Variants in AKR1C8 observed in about 807,000 individuals in gnomAD.
AKR1C8 encodes the protein aldo-keto reductase family 1 member C-like protein 1.
the AKR1C8 span, chr10:5,185,008 T>C: frequency 9.4e-6 from 5 of 534,534 alleles, no homozygotes; most frequent in Admixed American, 7.8e-5. Flanking sequence ...TGGGGTCCAC[T>C]TACATGATCA....
At chr10:5,157,114 T>C in the AKR1C8 span, among the ~76,000 whole-genome samples, 7 of 152,116 alleles carry the variant, frequency 4.6e-5, no homozygotes. Flanking sequence ...GAAGGAGCCA[T>C]TGTATTTAGG....
the AKR1C8 span, among the ~76,000 whole-genome samples, chr10:5,159,036 G>C: frequency 6.6e-6 from 1 of 152,280 alleles, no homozygotes; most frequent in South Asian, 2.1e-4. Context: ...GAGTGTGAAA[G>C]TTTCCATTTG....
At chr10:5,176,512 A>T in the AKR1C8 span, among the ~76,000 whole-genome samples, 1 of 150,654 alleles carries the variant, frequency 6.6e-6, no homozygotes, top group Non-Finnish European at 1.5e-5. Flanking sequence ...CAATTCTGTG[A>T]AGAAAGTCAT....
the AKR1C8 span, among the ~76,000 whole-genome samples, chr10:5,152,749 T>C: frequency 2.6e-5 from 4 of 152,166 alleles, no homozygotes; most frequent in Admixed American, 2.0e-4. Flanking sequence ...CCAACATTAA[T>C]TAAATTGTAT....
chr10:5,150,645 G>A, the AKR1C8 span, among the ~76,000 whole-genome samples: 1 of 151,888 alleles, frequency 6.6e-6, no homozygotes, highest in Non-Finnish European at 1.5e-5. Context: ...TTTTTGGAAC[G>A]TTTGTCAAAT....
At chr10:5,174,957 C>A in the AKR1C8 span, among the ~76,000 whole-genome samples, 1 of 151,444 alleles carries the variant, frequency 6.6e-6, no homozygotes, top group African/African-American at 2.4e-5. Context: ...AAATAAAAAA[C>A]AAGGTTTTCT....
the AKR1C8 span, among the ~76,000 whole-genome samples, chr10:5,122,644 G>T: frequency 6.6e-6 from 1 of 151,902 alleles, no homozygotes; most frequent in Non-Finnish European, 1.5e-5. Flanking sequence ...CAAAGGGTAG[G>T]ACTCTGAGCA....
the AKR1C8 span, among the ~76,000 whole-genome samples, chr10:5,130,486 A>G: frequency 6.6e-6 from 1 of 151,908 alleles, no homozygotes; most frequent in Non-Finnish European, 1.5e-5. Context: ...AAGTTAAAGT[A>G]TTGCTGTTTG....
At chr10:5,137,247 G>C in the AKR1C8 span, among the ~76,000 whole-genome samples, 7 of 152,082 alleles carry the variant, frequency 4.6e-5, no homozygotes, top group South Asian at 1.5e-3. Context: ...TGATGCAGAA[G>C]ACAGAGGCCA....
chr10:5,170,967 T>A, the AKR1C8 span, among the ~76,000 whole-genome samples: 1 of 152,136 alleles, frequency 6.6e-6, no homozygotes, highest in Non-Finnish European at 1.5e-5. Context: ...TGTTAAAAGC[T>A]GTTAATAGCT....
the AKR1C8 span, among the ~76,000 whole-genome samples, chr10:5,169,051 A>G: frequency 9.1e-5 from 13 of 142,418 alleles, no homozygotes; most frequent in African/African-American, 2.8e-4. Flanking sequence ...TGTATTACTC[A>G]GACAAGCACT....
At chr10:5,143,839 C>G in the AKR1C8 span, among the ~76,000 whole-genome samples, 3 of 151,172 alleles carry the variant, frequency 2.0e-5, no homozygotes, top group African/African-American at 7.3e-5. Flanking sequence ...AGAATTTATA[C>G]TGAGTTTTCT....
At chr10:5,155,042 C>T in the AKR1C8 span, 2 of 152,106 alleles carry the variant, frequency 1.3e-5, no homozygotes, top group African/African-American at 4.8e-5. Context: ...ATTCACAATT[C>T]AGCATGGTGA....
At chr10:5,131,901 G>A in the AKR1C8 span, among the ~76,000 whole-genome samples, 1 of 152,108 alleles carries the variant, frequency 6.6e-6, no homozygotes, top group South Asian at 2.1e-4. Flanking sequence ...GTATAGCAGT[G>A]CAATTCACAA....
At chr10:5,168,635 AACT>A in the AKR1C8 span, among the ~76,000 whole-genome samples, 2 of 152,156 alleles carry the variant, frequency 1.3e-5, no homozygotes, top group African/African-American at 4.8e-5. Flanking sequence ...ACCAAACCCT[AACT>A]ACTACTGAGA....
chr10:5,146,626 T>C, the AKR1C8 span, among the ~76,000 whole-genome samples: 4 of 152,186 alleles, frequency 2.6e-5, no homozygotes, highest in Non-Finnish European at 5.9e-5. Context: ...AGTGACTCTA[T>C]ATATGATACT....
At chr10:5,121,033 A>C in the AKR1C8 span, among the ~76,000 whole-genome samples, 16 of 151,862 alleles carry the variant, frequency 1.1e-4, no homozygotes, top group African/African-American at 3.9e-4. Flanking sequence ...CTCTACAACA[A>C]TCCAGGTTTT....
chr10:5,151,163 T>C, the AKR1C8 span, among the ~76,000 whole-genome samples: 1 of 152,124 alleles, frequency 6.6e-6, no homozygotes, highest in African/African-American at 2.4e-5. Context: ...AGCTGATCTA[T>C]CAGGTTCAGG....
the AKR1C8 span, among the ~76,000 whole-genome samples, chr10:5,116,541 A>G: frequency 6.6e-5 from 10 of 152,122 alleles, no homozygotes; most frequent in Non-Finnish European, 1.3e-4. Context: ...CTTCTGGAGA[A>G]CTTTGCCCCA....
Sources: gnomAD v4.1 joint callset for allele counts (sites outside exome capture counted in the v4.1 genomes callset) on GRCh38, gnomAD v4.1.1 for gene constraint, MANE v1.5 for transcripts, NCBI Gene and HGNC (gene_info 2026-07-23, HGNC 2026-07-21) for gene names.